PLSCR5: variants seen among roughly 807,000 people sequenced by gnomAD.
PLSCR5 encodes phospholipid scramblase family, member 5.
In PLSCR5, 44 loss-of-function variants were observed where a neutral mutation model predicts 33.6. That is an observed-to-expected ratio of 1.31 (90% CI 1.03 to 1.69). The LOEUF (loss-of-function observed/expected upper bound fraction) is 1.69, where lower values mean the gene tolerates loss of function less well. Ranked by LOEUF, PLSCR5 falls within the 40% of genes most tolerant of loss-of-function variation. The pLI is 0.00. For synonymous variants in PLSCR5, 148 were observed against 112.3 expected (o/e 1.32, Z -2.01); for missense variants, 375 against 318.7 (o/e 1.18, Z -1.34).
At chr3:146,582,809 A>T (rs73867416), downstream of PLSCR5, among the ~76,000 whole-genome samples, 117 of 152,270 alleles carry the variant, frequency 7.7e-4, no homozygotes, top group African/African-American at 2.5e-3. Flanking sequence ...AGGTCACAAG[A>T]TTTACAACTT....
intron 5 of PLSCR5, among the ~76,000 whole-genome samples, chr3:146,590,991 T>C (rs1305595618): frequency 2.7e-5 from 2 of 74,356 alleles, no homozygotes; most frequent in Non-Finnish European, 6.0e-5. Context: ...AATAAGGTTT[T>C]TTTTTGTTTT....
intron 5 of PLSCR5, 59 bp downstream of exon 5, chr3:146,591,661 T>A (rs2044715464): frequency 6.7e-7 from 1 of 1,496,764 alleles, no homozygotes; most frequent in East Asian, 2.4e-5. Context: ...AAAATTGAAT[T>A]ATGTTGCAAA....
intron 1 of PLSCR5, among the ~76,000 whole-genome samples, chr3:146,602,328 C>A (rs1363690745): frequency 6.6e-6 from 1 of 152,056 alleles, no homozygotes; most frequent in East Asian, 1.9e-4. Flanking sequence ...TATTAAAAGG[C>A]AATAAACATT....
rs374445829 is a variant in PLSCR5, at chr3:146,591,770, T to G, written c.565A>C (p.Ile189Leu). 6.2e-7 allele frequency: 1 copy of G among 1,612,000 alleles called. No individual in the cohort carries two copies. The highest frequency in any genetic ancestry group is 8.5e-7 in the Non-Finnish European group (1 of 1,178,904). ...QNANKEDILKIVGPCVTCGCF... is the reference protein window; with the variant it reads ...QNANKEDILKLVGPCVTCGCF... ...CCACATGTCACACAAGGACCAACAA[T>G]TTTCAAAATATCTTCTTTGTTTGCA... The change falls in exon 5 of 8, where the codon ATT (isoleucine) becomes CTT (leucine). Residue 189 changes from isoleucine (I) to leucine (L), a missense_variant. By Grantham distance (5) the Ile-to-Leu change is conservative. Coordinates refer to ENST00000443512, the MANE Select transcript of PLSCR5 (RefSeq NM_001085420.2).
chr3:146,599,798 C>A (rs1322767665), intron 2 of PLSCR5, among the ~76,000 whole-genome samples: 1 of 151,856 alleles, frequency 6.6e-6, no homozygotes, highest in South Asian at 2.1e-4. Context: ...CCCACCTCAG[C>A]ATCCCGAGTA....
intron 2 of PLSCR5, among the ~76,000 whole-genome samples, chr3:146,597,336 GA>G (rs2044769905): frequency 6.6e-6 from 1 of 152,000 alleles, no homozygotes; most frequent in Non-Finnish European, 1.5e-5. Context: ...TAAATGTGAG[GA>G]AGCAAGCCCA....
chr3:146,579,367 GAGTAA>G (rs1342402554), intron 7 of PLSCR5, among the ~76,000 whole-genome samples: 2 of 152,004 alleles, frequency 1.3e-5, no homozygotes, highest in African/African-American at 4.8e-5. Context: ...TACCAAACAG[GAGTAA>G]GAGTAAATTA....
downstream of PLSCR5, among the ~76,000 whole-genome samples, chr3:146,581,149 T>C (rs1215858274): frequency 1.3e-5 from 2 of 152,178 alleles, no homozygotes; most frequent in East Asian, 3.9e-4. Flanking sequence ...AGTGAACATA[T>C]TTACATAGCT....
chr3:146,592,596 G>A (rs906164220), intron 4 of PLSCR5, among the ~76,000 whole-genome samples: 2 of 152,014 alleles, frequency 1.3e-5, no homozygotes, highest in African/African-American at 4.8e-5. Flanking sequence ...GCCATCATCT[G>A]ATCTCATTTT....
At chr3:146,591,965 A>T in intron 4 of PLSCR5, 84 bp from the exon 5 acceptor site, 1 of 1,126,420 alleles carries the variant, frequency 8.9e-7, no homozygotes, top group Non-Finnish European at 1.2e-6. Context: ...ACCTGTAAAC[A>T]ATATACTGTT....
chr3:146,592,491 C>T (rs1229585298), intron 4 of PLSCR5, among the ~76,000 whole-genome samples: 1 of 152,038 alleles, frequency 6.6e-6, no homozygotes, highest in Non-Finnish European at 1.5e-5. Flanking sequence ...GACTCCATTA[C>T]CTTTACATAT....
intron 2 of PLSCR5, among the ~76,000 whole-genome samples, chr3:146,598,878 G>A (rs1385951627): frequency 6.6e-6 from 1 of 152,172 alleles, no homozygotes. Flanking sequence ...TGGGTTTCTG[G>A]AGAAGACATC....
chr3:146,589,758 T>A lies in PLSCR5; in HGVS notation c.672A>T (p.Gly224=), dbSNP rs1433302250. ...CATTTGTGAAGACATCATTTACAAA[T>A]CCTGACCAGTACTTTGAAATCTTCC... ...TIGKISKYWS[G]FVNDVFTNAD... is the part of the protein sequence containing the mutation. The change falls in exon 6 of 8, where the codon GGA becomes GGT. Residue 224 remains glycine, a synonymous_variant. Transcript: ENST00000443512. 1.9e-6 allele frequency: 3 copies of A among 1,593,480 alleles called. No homozygotes were observed. Among genetic ancestry groups the A allele is most frequent in the South Asian group, 1.1e-5 (1 of 89,458 alleles).
downstream of PLSCR5, among the ~76,000 whole-genome samples, chr3:146,584,513 AT>A (rs1441987025): frequency 6.6e-6 from 1 of 152,210 alleles, no homozygotes; most frequent in Non-Finnish European, 1.5e-5. Context: ...GTCGCACGTG[AT>A]TTTAAAATAT....
Position 146,585,908 on chromosome 3 carries a change from C to G in PLSCR5, c.*79G>C. On this transcript the variant is annotated 3_prime_UTR_variant, in exon 8 of 8. Coordinates refer to ENST00000443512, the MANE Select transcript of PLSCR5 (RefSeq NM_001085420.2). ...TTTAACAAAAAAGCAAACATTCAAA[C>G]CATTCAGAAATGAAATCCAGAGCCC... The G allele has an allele frequency of 1.6e-6, 1 of 628,748 alleles. No individual in the cohort carries two copies. The highest frequency in any genetic ancestry group is 2.7e-5 in the South Asian group (1 of 36,730). 38.9% of individuals were successfully genotyped at this position (628,748 alleles called of 1,614,324 possible).
At chr3:146,600,645 C>T (rs779390137) in intron 1 of PLSCR5, among the ~76,000 whole-genome samples, 182 bp from the exon 2 acceptor site, 39 of 151,842 alleles carry the variant, frequency 2.6e-4, no homozygotes, top group Admixed American at 5.9e-4. Flanking sequence ...TTAGAAAAAA[C>T]GAAACGCAGA....
chr3:146,584,789 C>T (rs929899277), downstream of PLSCR5, among the ~76,000 whole-genome samples: 22 of 152,242 alleles, frequency 1.4e-4, no homozygotes, highest in African/African-American at 5.1e-4. Context: ...GGGGAACTTA[C>T]TACCACCCAT....
At position 146,595,226 on chromosome 3, in the gene PLSCR5, T is replaced by A. The variant is rs889025866; in HGVS notation, c.190-143A>T. 13 of 423,742 alleles carry A rather than the reference T, an allele frequency of 3.1e-5. No homozygotes were observed. In the South Asian group the frequency reaches 1.4e-3, roughly 47 times the overall value. 26.2% of individuals were successfully genotyped at this position (423,742 alleles called of 1,614,324 possible). Reference sequence around the variant, plus strand: ...TATTAGGAAAACAGTTGAAAATATCTCACATTTTACAATGCAAAAGAACGT... The same window carrying A: ...TATTAGGAAAACAGTTGAAAATATCACACATTTTACAATGCAAAAGAACGT... On this transcript the variant is annotated intron_variant, in intron 2 of 7. Coordinates refer to ENST00000443512, the MANE Select transcript of PLSCR5 (RefSeq NM_001085420.2).
At chr3:146,594,771 C>T (rs1043329436) in intron 3 of PLSCR5, among the ~76,000 whole-genome samples, 7 of 151,924 alleles carry the variant, frequency 4.6e-5, no homozygotes, top group Non-Finnish European at 8.8e-5. Context: ...GATCAAATAC[C>T]TTTTACTATT....
Sources: allele counts gnomAD v4.1 joint callset (sites outside exome capture counted in the v4.1 genomes callset), GRCh38; gene constraint gnomAD v4.1.1; transcripts MANE v1.5; gene names NCBI Gene and HGNC (gene_info 2026-07-23, HGNC 2026-07-21).